The following CLCA1 variants were observed in gnomAD, a reference collection of about 807,000 sequenced individuals.
CLCA1 encodes the protein calcium-activated chloride channel regulator 1.
CLCA1 carries 59 observed loss-of-function variants against 85.6 expected under a neutral mutation model. The ratio of observed to expected loss-of-function variants is 0.69; its 90% CI spans 0.56 to 0.86. The LOEUF (loss-of-function observed/expected upper bound fraction) is 0.86, where lower values mean the gene tolerates loss of function less well. CLCA1 is among the 40% of genes least tolerant of loss of function. The probability of loss-of-function intolerance (pLI) is 0.00; values close to 1 mark genes in which losing one functional copy is unlikely to be tolerated. For synonymous variants in CLCA1, 396 were observed against 398.3 expected, an observed-to-expected ratio of 0.99 and a Z score of 0.07; for missense variants, 1,022 against 1,101.4, an observed-to-expected ratio of 0.93 and a Z score of 1.02.
At chr1:86,488,390 C>T (rs1648042946) in intron 7 of CLCA1, among the ~76,000 whole-genome samples, 1 of 152,012 alleles carries the variant, frequency 6.6e-6, no homozygotes, top group Admixed American at 6.6e-5. Flanking sequence ...ATAAATAATC[C>T]AAATATACCA....
rs749080579 is a variant in CLCA1, at chr1:86,498,557, A to AT, written c.2114-8dup. The AT allele has an allele frequency of 5.6e-6, 9 of 1,607,932 alleles. No individual in the cohort carries two copies. Among genetic ancestry groups the AT allele is most frequent in the East Asian group, 2.2e-5 (1 of 44,706 alleles). ...TGATGTTGCTTACCATATTTTGAGT[A>AT]TTTTTTTAATGCAGATGAAATACAA... On this transcript the variant is annotated splice_polypyrimidine_tract_variant and intron_variant, in intron 12 of 13. Coordinates refer to ENST00000394711, the MANE Select transcript of CLCA1 (RefSeq NM_001285.4).
Position 86,485,393 on chromosome 1 carries a change from G to A in CLCA1, c.786G>A (p.Lys262=), listed in dbSNP as rs779376202. Residue 262 remains lysine, a synonymous_variant, in exon 6 of 14, where the codon AAG becomes AAA. Coordinates refer to ENST00000394711, the MANE Select transcript of CLCA1 (RefSeq NM_001285.4). ...EQNHNKEAPN[K]QNQKCNLRST... ...ACCACAACAAAGAAGCTCCAAACAA[G>A]CAAAATCAAAAATGCAATCTCCGAA... 6.2e-7 allele frequency: 1 copy of A among 1,614,116 alleles called. No homozygotes were observed. Among genetic ancestry groups the A allele is most frequent in the Non-Finnish European group, 8.5e-7 (1 of 1,180,002 alleles).
At position 86,485,506 on chromosome 1, in the gene CLCA1, T is replaced by C. The variant is rs1382553860; in HGVS notation, c.899T>C (p.Leu300Pro). Reference sequence around the variant, plus strand: ...CCACCAAATCCCACCTTCTCATTGCTGCAGATTGGACAAAGAATTGTGTGT... The same window carrying C: ...CCACCAAATCCCACCTTCTCATTGCCGCAGATTGGACAAAGAATTGTGTGT... ...TQPPNPTFSL[L>P]QIGQRIVCLV... is the part of the protein sequence containing the mutation. Residue 300 changes from leucine (L) to proline (P), a missense_variant, in exon 6 of 14, where the codon CTG (leucine) becomes CCG (proline). Transcript: ENST00000394711. 6.2e-7 allele frequency: 1 copy of C among 1,614,052 alleles called. No homozygotes were observed. Among genetic ancestry groups the C allele is most frequent in the African/African-American group, 1.3e-5 (1 of 74,916 alleles).
chr1:86,475,769 G>C (rs1647623342), intron 3 of CLCA1, among the ~76,000 whole-genome samples: 2 of 152,170 alleles, frequency 1.3e-5, no homozygotes, highest in Admixed American at 1.3e-4. Context: ...AAAAAAAGGA[G>C]TTCAGGAATT....
intron 5 of CLCA1, among the ~76,000 whole-genome samples, chr1:86,484,950 G>A (rs1378655120): frequency 1.3e-5 from 2 of 152,134 alleles, no homozygotes; most frequent in Admixed American, 1.3e-4. Flanking sequence ...TTGAAGGTTA[G>A]AATATAGTGT....
chr1:86,484,110 C>A (rs1424346657), intron 5 of CLCA1, among the ~76,000 whole-genome samples: 1 of 152,186 alleles, frequency 6.6e-6, no homozygotes, highest in African/African-American at 2.4e-5. Context: ...CCCACCAGAT[C>A]CCTCCCTCGA....
chr1:86,481,421 G>A (rs1199864001), intron 4 of CLCA1, among the ~76,000 whole-genome samples: 1 of 152,034 alleles, frequency 6.6e-6, no homozygotes, highest in Non-Finnish European at 1.5e-5. Flanking sequence ...TTACAGGTGT[G>A]AGTCACCACA....
Position 86,489,046 on chromosome 1 carries a change from G to A in CLCA1, c.1233G>A (p.Thr411=), listed in dbSNP as rs141905607. 2.3e-5 allele frequency: 37 copies of A among 1,613,962 alleles called. No homozygotes were observed. Among genetic ancestry groups the A allele is most frequent in the Admixed American group, 6.7e-5 (4 of 59,994 alleles). Residue 411 remains threonine, a synonymous_variant, in exon 8 of 14, where the codon ACG becomes ACA. Transcript: ENST00000394711. ...ATGGATCTGAAATTGTGCTGCTGACGGATGGGGAAGACAACACTATAAGTG... is the reference window on the plus strand; with the variant it reads ...ATGGATCTGAAATTGTGCTGCTGACAGATGGGGAAGACAACACTATAAGTG... ...PTDGSEIVLL[T]DGEDNTISGC...
chr1:86,480,116 A>C (rs1389640603), intron 4 of CLCA1, among the ~76,000 whole-genome samples: 1 of 152,224 alleles, frequency 6.6e-6, no homozygotes, highest in Non-Finnish European at 1.5e-5. Context: ...TAAGTATCAA[A>C]TCCCTAGATA....
chr1:86,494,378 C>A lies in CLCA1; in HGVS notation c.1872C>A (p.Ala624=). The change falls in exon 11 of 14, where the codon GCC becomes GCA. Residue 624 remains alanine, a synonymous_variant. Transcript: ENST00000394711. The part of the protein sequence containing the change: ...IRQGASPILR[A]SVTALIESVN... The stretch of plus-strand genomic sequence containing the variant: ...AAGGAGCCTCCCCAATTCTCAGGGC[C>A]AGTGTCACAGCCCTGATTGAATCAG... 6.2e-7 allele frequency: 1 copy of A among 1,613,890 alleles called. No individual in the cohort carries two copies. Among genetic ancestry groups the A allele is most frequent in the Non-Finnish European group, 8.5e-7 (1 of 1,179,734 alleles).
In CLCA1 at chr1:86,498,624, A is replaced by T; in HGVS notation, c.2166A>T (p.Gln722His). 1.2e-6 allele frequency: 2 copies of T among 1,614,024 alleles called. No individual in the cohort carries two copies. The highest frequency in any genetic ancestry group is 1.7e-6 in the Non-Finnish European group (2 of 1,179,956). The change falls in exon 13 of 14, where the codon CAA (glutamine) becomes CAT (histidine). Residue 722 changes from glutamine to histidine, a missense_variant. By Grantham distance (24) the Gln-to-His change is conservative (BLOSUM62 0). Transcript: ENST00000394711. ...PRPEINKDDV[Q>H]HKQVCFSRTS... ...CTGAAATTAATAAGGATGATGTTCA[A>T]CACAAGCAAGTGTGTTTCAGCAGAA...
chr1:86,478,904 A>G (rs1233087376), intron 4 of CLCA1, among the ~76,000 whole-genome samples: 1 of 152,252 alleles, frequency 6.6e-6, no homozygotes, highest in Non-Finnish European at 1.5e-5. Context: ...ACAGGAGGTT[A>G]CTTCATTCAT....
At chr1:86,497,376 TA>T (rs1356635143) in intron 12 of CLCA1, among the ~76,000 whole-genome samples, 7 of 152,328 alleles carry the variant, frequency 4.6e-5, no homozygotes, top group African/African-American at 1.7e-4. Flanking sequence ...CTTTAACAGA[TA>T]AAAATTCTAT....
intron 1 of CLCA1, among the ~76,000 whole-genome samples, chr1:86,472,077 A>G (rs978658198): frequency 1.3e-5 from 2 of 151,976 alleles, no homozygotes; most frequent in African/African-American, 2.4e-5. Context: ...ATTAAAACAA[A>G]CAAAACTGTC....
intron 8 of CLCA1, among the ~76,000 whole-genome samples, chr1:86,489,697 C>T (rs538701415): frequency 6.6e-6 from 1 of 152,280 alleles, no homozygotes; most frequent in Non-Finnish European, 1.5e-5. Flanking sequence ...AAAACCTTCA[C>T]GTATTGTGTG....
chr1:86,483,227 A>G (rs543124950), intron 5 of CLCA1, among the ~76,000 whole-genome samples: 1 of 152,300 alleles, frequency 6.6e-6, no homozygotes, highest in African/African-American at 2.4e-5. Context: ...CAGATTATAT[A>G]TTTTAAATTA....
intron 10 of CLCA1, 26 bp from the exon 11 acceptor site, chr1:86,494,161 G>A (rs1031119847): frequency 6.2e-7 from 1 of 1,611,312 alleles, no homozygotes; most frequent in Non-Finnish European, 8.5e-7. Flanking sequence ...TTATTCATTG[G>A]AAATGTTTAC....
rs1308158184 is a variant in CLCA1 at position 86,495,537 on chromosome 1, T to G, written c.1975T>G (p.Ser659Ala). ...TGCTACTAAGGATGACGGTGTCTAC[T>G]CAAGGTATTTCACAACTTATGACAC... ...ADATKDDGVYSRYFTTYDTNG... is the reference protein window; with the variant it reads ...ADATKDDGVYARYFTTYDTNG... Residue 659 changes from serine to alanine, a missense_variant, in exon 12 of 14, where the codon TCA becomes GCA. Ser to Ala is a moderately conservative substitution (Grantham distance 99, BLOSUM62 1). Coordinates refer to ENST00000394711, the MANE Select transcript of CLCA1 (RefSeq NM_001285.4). The G allele has an allele frequency of 6.2e-7, 1 of 1,613,998 alleles. No homozygotes were observed. The highest frequency in any genetic ancestry group is 2.2e-5 in the East Asian group (1 of 44,882).
chr1:86,468,936 T>C lies in CLCA1; in HGVS notation c.-36T>C. ...AGAAAGACACCTTCGTAACCCGCAT[T>C]TTCCAAAGAGAGAAATCACAGGGAG... On this transcript the variant is annotated 5_prime_UTR_variant, in exon 1 of 14. Transcript: ENST00000394711. The C allele has an allele frequency of 6.4e-7, 1 of 1,559,554 alleles. No homozygotes were observed. The highest frequency in any genetic ancestry group is 8.7e-7 in the Non-Finnish European group (1 of 1,148,772).
Sources: allele counts gnomAD v4.1 joint callset (sites outside exome capture counted in the v4.1 genomes callset), GRCh38; gene constraint gnomAD v4.1.1; transcripts MANE v1.5; gene names NCBI Gene and HGNC (gene_info 2026-07-23, HGNC 2026-07-21).